Variants in THADA observed in about 807,000 individuals in gnomAD.
The protein encoded by THADA is THADA armadillo repeat containing.
Under a neutral mutation model 219.8 loss-of-function variants are expected in THADA, and 213 were observed. The observed-to-expected ratio is 0.97, with a 90% CI of 0.87 to 1.09. THADA has a LOEUF of 1.09. Ranked by LOEUF, THADA falls within the 50% of genes least tolerant of loss-of-function variation. The probability of loss-of-function intolerance (pLI) is 0.00; values close to 1 mark genes in which losing one functional copy is unlikely to be tolerated. For missense variants in THADA, 2,956 were observed against 2,311.3 expected (o/e 1.28, Z -5.72); for synonymous variants, 1,018 against 828.9 (o/e 1.23, Z -3.92).
At chr2:43,429,554 G>A (rs571596072) in intron 27 of THADA, among the ~76,000 whole-genome samples, 1 of 151,948 alleles carries the variant, frequency 6.6e-6, no homozygotes, top group Non-Finnish European at 1.5e-5. Flanking sequence ...TCAGCTAATC[G>A]CTATAGTTTC....
At chr2:43,565,095 A>C (rs899399593) in intron 15 of THADA, 1 of 152,200 alleles carries the variant, frequency 6.6e-6, no homozygotes, top group Admixed American at 6.5e-5. Flanking sequence ...TGTTATGGTT[A>C]TAGAATTAAT....
intron 30 of THADA, among the ~76,000 whole-genome samples, chr2:43,326,165 CAAA>C (rs57917515): frequency 0.18 from 19,868 of 111,134 alleles, 1,439 homozygotes; most frequent in African/African-American, 0.24. Context: ...CAATGTCTGT[CAAA>C]AAAAAAAAAA....
In THADA at chr2:43,428,956, T is replaced by C. The variant is rs141468880; in HGVS notation, c.3927-725A>G. 8.5e-4 allele frequency among the ~76,000 whole-genome samples: 130 copies of C among 152,296 alleles called. 1 individual carries two copies. The highest frequency in any genetic ancestry group is 3.1e-3 in the African/African-American group (127 of 41,572). On this transcript the variant is annotated intron_variant, in intron 27 of 37. Coordinates refer to ENST00000405975, the MANE Select transcript of THADA (RefSeq NM_022065.5). ...ACTACTAATGTGAGCAAATGCATCATAACCAGAAGTAAAATTCATTACTTT... is the reference window on the plus strand; with the variant it reads ...ACTACTAATGTGAGCAAATGCATCACAACCAGAAGTAAAATTCATTACTTT...
At chr2:43,544,123 T>C (rs1695695698) in intron 20 of THADA, among the ~76,000 whole-genome samples, 1 of 152,346 alleles carries the variant, frequency 6.6e-6, no homozygotes, top group East Asian at 1.9e-4. Flanking sequence ...ATTTATTAAA[T>C]AGGGAATCCT....
chr2:43,563,549 T>C (rs1698325091), intron 15 of THADA: 1 of 152,194 alleles, frequency 6.6e-6, no homozygotes, highest in Non-Finnish European at 1.5e-5. Flanking sequence ...CACTGAAACA[T>C]AAGCTCCAAA....
intron 31 of THADA, among the ~76,000 whole-genome samples, chr2:43,319,577 G>C (rs1007677866): frequency 2.0e-5 from 3 of 152,172 alleles, no homozygotes; most frequent in African/African-American, 7.2e-5. Context: ...GGTTCCATAT[G>C]AACAGAGCTG....
chr2:43,555,057 A>G (rs1275723149), intron 17 of THADA, among the ~76,000 whole-genome samples: 1 of 152,128 alleles, frequency 6.6e-6, no homozygotes, highest in Non-Finnish European at 1.5e-5. Flanking sequence ...TATATGTAAA[A>G]GATCTACATA....
chr2:43,442,366 G>T (rs1353970769), intron 26 of THADA, among the ~76,000 whole-genome samples: 4 of 152,154 alleles, frequency 2.6e-5, no homozygotes, highest in African/African-American at 9.7e-5. Context: ...AACCCAGGAG[G>T]CGGAGGTTGC....
chr2:43,452,038 T>C (rs905490189), intron 26 of THADA, among the ~76,000 whole-genome samples: 1 of 152,028 alleles, frequency 6.6e-6, no homozygotes, highest in African/African-American at 2.4e-5. Flanking sequence ...ACCCAGGAGG[T>C]AGAGGTTGCA....
chr2:43,561,861 G>C (rs1698106344), intron 15 of THADA, among the ~76,000 whole-genome samples: 1 of 152,180 alleles, frequency 6.6e-6, no homozygotes, highest in South Asian at 2.1e-4. Context: ...TCTCACCAGT[G>C]AGTGTGATGT....
At chr2:43,406,638 C>T (rs910512997) in intron 28 of THADA, among the ~76,000 whole-genome samples, 3 of 152,204 alleles carry the variant, frequency 2.0e-5, no homozygotes, top group African/African-American at 7.2e-5. Flanking sequence ...CATACAAAGA[C>T]ATTGGGAGCC....
In THADA at chr2:43,570,420, G is replaced by C; in HGVS notation, c.2155C>G (p.Gln719Glu). Residue 719 changes from glutamine to glutamate, a missense_variant, in exon 14 of 38, where the codon CAG becomes GAG. Coordinates refer to ENST00000405975, the MANE Select transcript of THADA (RefSeq NM_022065.5). The stretch of plus-strand genomic sequence containing the variant: ...TGCTGTAAAGAAACAGAAGGGTGCT[G>C]TTTGGTTAACTCATTCTCTGGTTCA... ...KREPENELTK[Q>E]HPSVSLQQYK... 1 of 1,613,416 alleles carries C rather than the reference G, an allele frequency of 6.2e-7. No homozygotes were observed. Among genetic ancestry groups the C allele is most frequent in the South Asian group, 1.1e-5 (1 of 90,988 alleles).
chr2:43,581,254 G>A (rs1348597887), intron 8 of THADA, among the ~76,000 whole-genome samples: 1 of 152,070 alleles, frequency 6.6e-6, no homozygotes, highest in Non-Finnish European at 1.5e-5. Context: ...CCCAGGCTGG[G>A]CACAGTGGCT....
intron 1 of THADA, 60 bp from the exon 2 acceptor site, chr2:43,592,476 T>A: frequency 9.7e-7 from 1 of 1,032,768 alleles, no homozygotes; most frequent in East Asian, 2.6e-5. Flanking sequence ...GCACTATGAT[T>A]TTTGGCTGGG....
At chr2:43,255,342 G>C (rs1230458498) in intron 36 of THADA, among the ~76,000 whole-genome samples, 12 of 152,220 alleles carry the variant, frequency 7.9e-5, no homozygotes, top group Non-Finnish European at 4.4e-5. Context: ...GGCATGCTAA[G>C]TGGTTTTGCT....
chr2:43,536,620 G>A (rs1038115023), intron 21 of THADA, among the ~76,000 whole-genome samples: 7 of 151,820 alleles, frequency 4.6e-5, no homozygotes, highest in African/African-American at 1.7e-4. Context: ...ATTTCCACAG[G>A]GGAAGAAGCT....
chr2:43,458,665 T>A (rs1200475596), intron 26 of THADA, among the ~76,000 whole-genome samples: 1 of 152,078 alleles, frequency 6.6e-6, no homozygotes, highest in East Asian at 1.9e-4. Flanking sequence ...TTTACAAATA[T>A]CAGACCACAT....
At chr2:43,576,109 CAA>C (rs1255925811) in intron 10 of THADA, among the ~76,000 whole-genome samples, 1 of 151,944 alleles carries the variant, frequency 6.6e-6, no homozygotes, top group Non-Finnish European at 1.5e-5. Flanking sequence ...AAAAATATAG[CAA>C]AGAGAATATT....
chr2:43,498,543 G>C (rs1688555122), intron 25 of THADA, among the ~76,000 whole-genome samples: 3 of 152,076 alleles, frequency 2.0e-5, no homozygotes, highest in Non-Finnish European at 4.4e-5. Flanking sequence ...AAGTGACATG[G>C]TGTAATATCA....
Sources: allele counts gnomAD v4.1 joint callset (sites outside exome capture counted in the v4.1 genomes callset), GRCh38; gene constraint gnomAD v4.1.1; transcripts MANE v1.5; gene names NCBI Gene and HGNC (gene_info 2026-07-23, HGNC 2026-07-21).